Variants in CNTNAP2 observed in about 807,000 individuals in gnomAD.
The protein encoded by CNTNAP2 is contactin-associated protein-like 2.
A neutral mutation model predicts 155.2 loss-of-function variants in CNTNAP2; 98 were observed. The ratio of observed to expected loss-of-function variants is 0.63; its 90% CI spans 0.54 to 0.75. The LOEUF is 0.75. CNTNAP2 is among the 30% of genes least tolerant of loss of function. The probability of loss-of-function intolerance (pLI) is 0.00; values close to 1 mark genes in which losing one functional copy is unlikely to be tolerated. For missense variants in CNTNAP2, 1,727 were observed against 1,688.1 expected (o/e 1.02, Z -0.40); for synonymous variants, 651 against 631.2 (o/e 1.03, Z -0.47).
chr7:146,795,323 GT>G (rs1250517044), intron 2 of CNTNAP2, among the ~76,000 whole-genome samples: 4 of 152,142 alleles, frequency 2.6e-5, no homozygotes, highest in Non-Finnish European at 5.9e-5. Context: ...TTGGCCCTGA[GT>G]TTACTTAGTA....
At chr7:146,896,672 C>T (rs979330647) in intron 3 of CNTNAP2, among the ~76,000 whole-genome samples, 1 of 151,664 alleles carries the variant, frequency 6.6e-6, no homozygotes, top group African/African-American at 2.4e-5. Flanking sequence ...TACTTTTGCA[C>T]CGACCTAATA....
intron 3 of CNTNAP2, among the ~76,000 whole-genome samples, chr7:146,931,702 AG>A (rs1284952201): frequency 6.7e-6 from 1 of 148,510 alleles, no homozygotes; most frequent in Non-Finnish European, 1.5e-5. Context: ...AGACTAATAA[AG>A]AAAAAAAGAG....
intron 1 of CNTNAP2, among the ~76,000 whole-genome samples, chr7:146,250,920 C>T (rs1415794624): frequency 1.3e-5 from 2 of 152,110 alleles, no homozygotes; most frequent in Non-Finnish European, 2.9e-5. Flanking sequence ...AATAACATAA[C>T]AAGACTGTAG....
At chr7:147,060,546 C>G (rs1190785117) in intron 4 of CNTNAP2, among the ~76,000 whole-genome samples, 1 of 152,020 alleles carries the variant, frequency 6.6e-6, no homozygotes, top group African/African-American at 2.4e-5. Context: ...CACGGTGAAA[C>G]CCTGTCTCTA....
At chr7:147,228,877 A>G (rs1413971936) in intron 8 of CNTNAP2, among the ~76,000 whole-genome samples, 1 of 147,910 alleles carries the variant, frequency 6.8e-6, no homozygotes, top group Non-Finnish European at 1.5e-5. Flanking sequence ...TCATTGTTCA[A>G]CTCCCACTTA....
chr7:146,711,834 T>C (rs181279429), intron 1 of CNTNAP2, among the ~76,000 whole-genome samples: 2 of 115,984 alleles, frequency 1.7e-5, no homozygotes, highest in African/African-American at 8.4e-5. Context: ...AGTATACACA[T>C]CTTATGTATA....
intron 10 of CNTNAP2, among the ~76,000 whole-genome samples, chr7:147,402,337 C>A (rs1236682604): frequency 6.6e-6 from 1 of 152,214 alleles, no homozygotes; most frequent in Non-Finnish European, 1.5e-5. Context: ...AGTCCCCAGC[C>A]TGGTCGGCCT....
At chr7:147,476,053 A>G (rs1798314057) in intron 10 of CNTNAP2, among the ~76,000 whole-genome samples, 1 of 151,736 alleles carries the variant, frequency 6.6e-6, no homozygotes, top group Non-Finnish European at 1.5e-5. Flanking sequence ...TTAAGCTTTA[A>G]TTTCAGAATA....
intron 15 of CNTNAP2, among the ~76,000 whole-genome samples, chr7:147,996,995 G>C (rs1801814166): frequency 6.6e-6 from 1 of 152,114 alleles, no homozygotes; most frequent in South Asian, 2.1e-4. Flanking sequence ...TTGTAAAAGA[G>C]ACCCCAGAGA....
chr7:147,826,791 A>G (rs1411469928), intron 13 of CNTNAP2, among the ~76,000 whole-genome samples: 1 of 152,226 alleles, frequency 6.6e-6, no homozygotes, highest in Non-Finnish European at 1.5e-5. Context: ...TAGTCACAGG[A>G]CAAAAGTGGA....
chr7:147,117,068 A>G (rs752472225), intron 5 of CNTNAP2, among the ~76,000 whole-genome samples: 2 of 152,148 alleles, frequency 1.3e-5, no homozygotes, highest in Non-Finnish European at 2.9e-5. Context: ...GTAGGGTGCC[A>G]TGGAAATGGG....
At chr7:148,208,811 C>T (rs1795496506) in intron 18 of CNTNAP2, among the ~76,000 whole-genome samples, 1 of 152,128 alleles carries the variant, frequency 6.6e-6, no homozygotes, top group Non-Finnish European at 1.5e-5. Context: ...GTCAGCTCCT[C>T]TTTCTTGAAA....
At chr7:146,512,367 A>G (rs530778905) in intron 1 of CNTNAP2, among the ~76,000 whole-genome samples, 10 of 151,822 alleles carry the variant, frequency 6.6e-5, no homozygotes, top group South Asian at 6.2e-4. Flanking sequence ...GTTTCTCTAC[A>G]TGTATCATTA....
intron 12 of CNTNAP2, among the ~76,000 whole-genome samples, chr7:147,588,901 C>T (rs1024265347): frequency 1.3e-5 from 2 of 152,094 alleles, no homozygotes; most frequent in African/African-American, 4.8e-5. Flanking sequence ...GTAGGGACCA[C>T]GAAAAGAATG....
chr7:147,663,413 G>A (rs1018705393), intron 13 of CNTNAP2, among the ~76,000 whole-genome samples: 8 of 152,346 alleles, frequency 5.3e-5, no homozygotes, highest in African/African-American at 1.4e-4. Context: ...TGTGAAGAGC[G>A]TGATGTAATC....
intron 12 of CNTNAP2, among the ~76,000 whole-genome samples, chr7:147,630,316 T>TAAAAAAAAAAAAAAAAAAAAAAAAGAA (rs71183024): frequency 5.5e-5 from 4 of 73,074 alleles, no homozygotes; most frequent in Non-Finnish European, 1.2e-4. Context: ...GAAACAGTAG[T>TAAAAAAAAAAAAAAAAAAAAAAAAGAA]AAAAAAAAAA....
At chr7:148,398,944 A>G (rs2116695346) in intron 22 of CNTNAP2, among the ~76,000 whole-genome samples, 1 of 152,308 alleles carries the variant, frequency 6.6e-6, no homozygotes, top group African/African-American at 2.4e-5. Flanking sequence ...TCTTTTAACT[A>G]TCATAATTTT....
chr7:148,334,862 C>G (rs886787958), intron 21 of CNTNAP2, among the ~76,000 whole-genome samples: 4 of 152,206 alleles, frequency 2.6e-5, no homozygotes, highest in Non-Finnish European at 5.9e-5. Flanking sequence ...TGAAAAGACA[C>G]AGCCAGGGGA....
intron 1 of CNTNAP2, among the ~76,000 whole-genome samples, chr7:146,250,278 TC>T (rs1215899872): frequency 6.6e-6 from 1 of 152,188 alleles, no homozygotes; most frequent in Non-Finnish European, 1.5e-5. Flanking sequence ...GAGGCTGAAT[TC>T]TATGAAATTA....
Sources: gnomAD v4.1 joint callset for allele counts (sites outside exome capture counted in the v4.1 genomes callset) on GRCh38, gnomAD v4.1.1 for gene constraint, MANE v1.5 for transcripts, NCBI Gene and HGNC (gene_info 2026-07-23, HGNC 2026-07-21) for gene names.